HS2ST1: variants seen among roughly 807,000 people sequenced by gnomAD.
HS2ST1 encodes the protein heparan sulfate 2-O-sulfotransferase 1.
HS2ST1 carries 18 observed loss-of-function variants against 42.9 expected under a neutral mutation model. The observed-to-expected ratio is 0.42, with a 90% CI of 0.29 to 0.62. The LOEUF (loss-of-function observed/expected upper bound fraction) is 0.62, where lower values mean the gene tolerates loss of function less well. HS2ST1 is among the 20% of genes least tolerant of loss of function. The pLI is 0.21. For missense variants in HS2ST1, 334 were observed against 433.8 expected (o/e 0.77, Z 2.04); for synonymous variants, 146 against 152.9 (o/e 0.95, Z 0.33).
chr1:86,938,960 G>A lies in HS2ST1; in HGVS notation c.124+23800G>A, dbSNP rs532960156. On this transcript the variant is annotated intron_variant, in intron 1 of 6. Transcript: ENST00000370550. The stretch of plus-strand genomic sequence containing the variant: ...ACAGACTAGATTTGGTTTTCTATAT[G>A]GTCTTTCATTCTGAATACTAATTAG... 4.3e-4 allele frequency among the ~76,000 whole-genome samples: 66 copies of A among 152,212 alleles called. 1 individual carries two copies. In the South Asian group the frequency reaches 0.014, roughly 32 times the overall value.
At chr1:87,047,179 G>T (rs962332023) in intron 1 of HS2ST1, among the ~76,000 whole-genome samples, 4 of 151,976 alleles carry the variant, frequency 2.6e-5, no homozygotes, top group Admixed American at 6.6e-5. Context: ...TTATCTCATT[G>T]TAGTTTTCCT....
intron 1 of HS2ST1, among the ~76,000 whole-genome samples, chr1:87,035,928 C>A (rs1650363142): frequency 6.6e-6 from 1 of 151,872 alleles, no homozygotes; most frequent in East Asian, 1.9e-4. Context: ...ATCCATCAAC[C>A]CATCATCTAC....
intron 4 of HS2ST1, among the ~76,000 whole-genome samples, chr1:87,097,104 G>A (rs562381828): frequency 2.0e-5 from 3 of 152,270 alleles, no homozygotes; most frequent in South Asian, 4.1e-4. Context: ...TCCCCAAGGT[G>A]CAGTCTTTTC....
intron 1 of HS2ST1, among the ~76,000 whole-genome samples, chr1:87,004,069 G>A (rs572121683): frequency 6.6e-6 from 1 of 151,972 alleles, no homozygotes; most frequent in African/African-American, 2.4e-5. Flanking sequence ...AATCTTTTTT[G>A]TTGTTCATTT....
At chr1:86,924,816 A>C (rs1294585930) in intron 1 of HS2ST1, among the ~76,000 whole-genome samples, 2 of 152,164 alleles carry the variant, frequency 1.3e-5, no homozygotes, top group Non-Finnish European at 2.9e-5. Context: ...GGGCACTGAC[A>C]TGGAGACCTC....
intron 1 of HS2ST1, among the ~76,000 whole-genome samples, chr1:86,942,719 C>A (rs1045173580): frequency 6.6e-6 from 1 of 152,048 alleles, no homozygotes; most frequent in Non-Finnish European, 1.5e-5. Flanking sequence ...ACTCCTTTCC[C>A]CTACTCCAAT....
At chr1:87,001,982 G>A (rs972863252) in intron 1 of HS2ST1, among the ~76,000 whole-genome samples, 8 of 143,196 alleles carry the variant, frequency 5.6e-5, no homozygotes, top group Non-Finnish European at 1.2e-4. Context: ...GCGCGATCTC[G>A]GCTCACTGCA....
chr1:87,029,619 A>G lies in HS2ST1; in HGVS notation c.125-43315A>G, dbSNP rs950429933. Among the ~76,000 whole-genome samples the G allele has an allele frequency of 3.3e-5, 5 of 152,214 alleles. No homozygotes were observed. The South Asian group carries it at 8.3e-4, about 25-fold the overall frequency. On this transcript the variant is annotated intron_variant, in intron 1 of 6. Transcript: ENST00000370550. ...TTATAGATTTTTGTGCTCTCACACCATGTCATGTACAGTTTCTTTTTCCTA... is the reference window on the plus strand; with the variant it reads ...TTATAGATTTTTGTGCTCTCACACCGTGTCATGTACAGTTTCTTTTTCCTA...
At chr1:87,025,164 T>C (rs1360698100) in intron 1 of HS2ST1, among the ~76,000 whole-genome samples, 2 of 123,430 alleles carry the variant, frequency 1.6e-5, no homozygotes, top group Admixed American at 9.2e-5. Context: ...TGAAAGCAGC[T>C]AACACTTCTG....
At chr1:87,069,802 TAC>T (rs146944866) in intron 1 of HS2ST1, among the ~76,000 whole-genome samples, 2,922 of 152,326 alleles carry the variant, frequency 0.019, 92 homozygotes, top group African/African-American at 0.067. Context: ...TTGTATGAAA[TAC>T]ACAGTTTATA....
Position 87,104,587 on chromosome 1 carries a change from T to C in HS2ST1, c.962T>C (p.Leu321Pro). The change falls in exon 7 of 7, where the codon CTA becomes CCA. Residue 321 changes from leucine to proline, a missense_variant. Coordinates refer to ENST00000370550, the MANE Select transcript of HS2ST1 (RefSeq NM_012262.4). ...GAGAATGAGTTCTATGAATTTGCAC[T>C]AGAGCAGTTCCAATTCATCAGAGCC... The part of the protein sequence containing the change: ...KMENEFYEFA[L>P]EQFQFIRAHA... The C allele has an allele frequency of 6.2e-7, 1 of 1,613,224 alleles. No homozygotes were observed. Among genetic ancestry groups the C allele is most frequent in the Non-Finnish European group, 8.5e-7 (1 of 1,179,196 alleles).
chr1:87,071,630 G>C (rs1447805939), intron 1 of HS2ST1, among the ~76,000 whole-genome samples: 1 of 151,656 alleles, frequency 6.6e-6, no homozygotes, highest in African/African-American at 2.4e-5. Flanking sequence ...TCAGTAGGCT[G>C]AGGCAGAGAA....
chr1:87,075,763 T>A (rs559799766), intron 2 of HS2ST1, among the ~76,000 whole-genome samples: 1 of 152,262 alleles, frequency 6.6e-6, no homozygotes, highest in South Asian at 2.1e-4. Context: ...CTTAATTATT[T>A]GTCTCAAAAA....
At chr1:86,946,885 A>G (rs991159267) in intron 1 of HS2ST1, among the ~76,000 whole-genome samples, 5 of 152,070 alleles carry the variant, frequency 3.3e-5, no homozygotes, top group Non-Finnish European at 7.4e-5. Context: ...GAGACCTCTT[A>G]TTTTTTCATA....
At chr1:86,974,743 A>G (rs1428101801) in intron 1 of HS2ST1, among the ~76,000 whole-genome samples, 1 of 152,164 alleles carries the variant, frequency 6.6e-6, no homozygotes, top group African/African-American at 2.4e-5. Context: ...TGGAAAACCC[A>G]CACATTAAGA....
chr1:86,969,415 T>C (rs1282966311), intron 1 of HS2ST1, among the ~76,000 whole-genome samples: 1 of 152,230 alleles, frequency 6.6e-6, no homozygotes, highest in South Asian at 2.1e-4. Context: ...CGCACGTGCC[T>C]GTGTGGAATT....
intron 2 of HS2ST1, among the ~76,000 whole-genome samples, chr1:87,079,465 C>T (rs370057245): frequency 6.6e-5 from 10 of 152,256 alleles, no homozygotes; most frequent in African/African-American, 2.4e-4. Flanking sequence ...AGACTGTTTT[C>T]TAGATTAGTG....
chr1:86,933,298 G>A (rs967008127), intron 1 of HS2ST1, among the ~76,000 whole-genome samples: 15 of 152,048 alleles, frequency 9.9e-5, no homozygotes, highest in African/African-American at 3.6e-4. Flanking sequence ...ATTATCCATA[G>A]TTACACCTTT....
At chr1:87,079,575 G>T (rs1298632890) in intron 2 of HS2ST1, among the ~76,000 whole-genome samples, 1 of 152,126 alleles carries the variant, frequency 6.6e-6, no homozygotes, top group African/African-American at 2.4e-5. Context: ...TTGATTCATT[G>T]TAAATTTTAA....
Sources: gnomAD v4.1 joint callset for allele counts (sites outside exome capture counted in the v4.1 genomes callset) on GRCh38, gnomAD v4.1.1 for gene constraint, MANE v1.5 for transcripts, NCBI Gene and HGNC (gene_info 2026-07-23, HGNC 2026-07-21) for gene names.